MARCHF1: variants seen among roughly 807,000 people sequenced by gnomAD.
The protein encoded by MARCHF1 is E3 ubiquitin-protein ligase MARCHF1.
A neutral mutation model predicts 54.2 loss-of-function variants in MARCHF1; 40 were observed. That is an observed-to-expected ratio of 0.74 (90% CI 0.57 to 0.96). The LOEUF (loss-of-function observed/expected upper bound fraction) is 0.96. MARCHF1 is among the 40% of genes least tolerant of loss of function. The pLI is 0.00. For missense variants in MARCHF1, 586 were observed against 656.5 expected (o/e 0.89, Z 1.17); for synonymous variants, 236 against 236.3 (o/e 1.00, Z 0.01).
At chr4:163,549,880 T>G (rs1259096989) in intron 8 of MARCHF1, among the ~76,000 whole-genome samples, 1 of 152,242 alleles carries the variant, frequency 6.6e-6, no homozygotes, top group Non-Finnish European at 1.5e-5. Context: ...TAATTCAAAT[T>G]ACTTGCATTA....
intron 5 of MARCHF1, among the ~76,000 whole-genome samples, chr4:163,624,645 G>C (rs1392861345): frequency 6.6e-6 from 1 of 152,162 alleles, no homozygotes; most frequent in East Asian, 1.9e-4. Context: ...ATATAAATTG[G>C]TTGACTGTTG....
At chr4:164,070,709 T>C (rs909987797) in intron 2 of MARCHF1, among the ~76,000 whole-genome samples, 3 of 152,222 alleles carry the variant, frequency 2.0e-5, no homozygotes, top group African/African-American at 2.4e-5. Context: ...TACATATTAA[T>C]AAACAATTAA....
At chr4:163,741,536 T>C (rs1746196131) in intron 4 of MARCHF1, among the ~76,000 whole-genome samples, 3 of 151,994 alleles carry the variant, frequency 2.0e-5, no homozygotes, top group South Asian at 2.1e-4. Context: ...TGAGCAGAGA[T>C]TGTGCCACTG....
At chr4:163,600,764 C>G (rs1740937886) in intron 7 of MARCHF1, among the ~76,000 whole-genome samples, 1 of 152,094 alleles carries the variant, frequency 6.6e-6, no homozygotes, top group Non-Finnish European at 1.5e-5. Context: ...CAAATAAGAA[C>G]AAGCTGGTAA....
At chr4:163,858,968 T>C (rs978402) in intron 3 of MARCHF1, among the ~76,000 whole-genome samples, 80,731 of 151,944 alleles carry the variant, frequency 0.53, 22,050 homozygotes, top group African/African-American at 0.68. Flanking sequence ...TTTCTGCAAG[T>C]AGGATGTTAG....
intron 1 of MARCHF1, among the ~76,000 whole-genome samples, chr4:164,153,623 A>G (rs1279212053): frequency 6.6e-6 from 1 of 152,182 alleles, no homozygotes; most frequent in African/African-American, 2.4e-5. Flanking sequence ...AATAAATGAC[A>G]CTTTTATGCA....
chr4:163,722,895 C>T (rs1344716642), intron 4 of MARCHF1, among the ~76,000 whole-genome samples: 2 of 152,104 alleles, frequency 1.3e-5, no homozygotes, highest in South Asian at 2.1e-4. Flanking sequence ...TCCTCCATCC[C>T]TATATTTTGA....
chr4:163,637,290 A>G (rs1306266394), intron 5 of MARCHF1, among the ~76,000 whole-genome samples: 2 of 152,178 alleles, frequency 1.3e-5, no homozygotes, highest in Non-Finnish European at 2.9e-5. Context: ...AAAAGAAACT[A>G]CCATCAGAGT....
At chr4:164,084,093 T>A (rs894118407) in intron 2 of MARCHF1, among the ~76,000 whole-genome samples, 7 of 151,998 alleles carry the variant, frequency 4.6e-5, no homozygotes, top group Admixed American at 2.6e-4. Context: ...AATATGTGAC[T>A]TATCCCATTT....
At chr4:163,950,493 C>G (rs1003957701) in intron 3 of MARCHF1, among the ~76,000 whole-genome samples, 3 of 152,204 alleles carry the variant, frequency 2.0e-5, no homozygotes, top group Admixed American at 6.5e-5. Flanking sequence ...GGTTGCTTCC[C>G]GGTCCCAGAG....
At chr4:163,543,831 A>T (rs1738804000) in intron 9 of MARCHF1, among the ~76,000 whole-genome samples, 1 of 152,152 alleles carries the variant, frequency 6.6e-6, no homozygotes, top group Non-Finnish European at 1.5e-5. Flanking sequence ...TACATCTACG[A>T]GAAGGGCTCT....
intron 1 of MARCHF1, among the ~76,000 whole-genome samples, chr4:164,373,192 C>G (rs1182846092): frequency 6.6e-6 from 1 of 152,052 alleles, no homozygotes; most frequent in Non-Finnish European, 1.5e-5. Context: ...CATTCTAACA[C>G]TAACGTTAAG....
At chr4:163,698,913 T>A (rs1263424171) in intron 5 of MARCHF1, among the ~76,000 whole-genome samples, 1 of 152,186 alleles carries the variant, frequency 6.6e-6, no homozygotes, top group Non-Finnish European at 1.5e-5. Flanking sequence ...ACTAGGGTGA[T>A]AGATACTTGA....
At chr4:164,377,624 T>C (rs865933888) in intron 1 of MARCHF1, among the ~76,000 whole-genome samples, 5 of 145,202 alleles carry the variant, frequency 3.4e-5, no homozygotes, top group South Asian at 2.2e-4. Context: ...CATACACACA[T>C]GTGTCTGTGT....
chr4:163,788,989 G>A (rs1463203274), intron 4 of MARCHF1, among the ~76,000 whole-genome samples: 10 of 151,920 alleles, frequency 6.6e-5, no homozygotes, highest in Admixed American at 6.6e-5. Flanking sequence ...AGCATTCATC[G>A]CAGATCTTGC....
At chr4:163,571,960 T>A (rs1739854590) in intron 8 of MARCHF1, among the ~76,000 whole-genome samples, 1 of 152,142 alleles carries the variant, frequency 6.6e-6, no homozygotes, top group Non-Finnish European at 1.5e-5. Flanking sequence ...GGTACTTATA[T>A]CTGGCTTCCA....
chr4:164,097,946 C>T (rs1247990412), intron 2 of MARCHF1, among the ~76,000 whole-genome samples: 1 of 152,142 alleles, frequency 6.6e-6, no homozygotes, highest in Non-Finnish European at 1.5e-5. Flanking sequence ...GCTGGACCTG[C>T]TACTATTCCA....
intron 1 of MARCHF1, among the ~76,000 whole-genome samples, chr4:164,166,758 T>C (rs1015994399): frequency 3.3e-4 from 50 of 151,924 alleles, no homozygotes; most frequent in African/African-American, 9.1e-4. Flanking sequence ...CCCAAAGATC[T>C]ACCAAAAGCT....
intron 4 of MARCHF1, among the ~76,000 whole-genome samples, chr4:163,818,693 C>G (rs1442682947): frequency 2.0e-5 from 3 of 152,042 alleles, no homozygotes; most frequent in Non-Finnish European, 2.9e-5. Flanking sequence ...TATCCTCAGG[C>G]TCTTCTCAAA....
Sources: allele counts gnomAD v4.1 joint callset (sites outside exome capture counted in the v4.1 genomes callset), GRCh38; gene constraint gnomAD v4.1.1; transcripts MANE v1.5; gene names NCBI Gene and HGNC (gene_info 2026-07-23, HGNC 2026-07-21).